SECISBP2L: variants seen among roughly 807,000 people sequenced by gnomAD.
SECISBP2L encodes the protein selenocysteine insertion sequence-binding protein 2-like.
In SECISBP2L, 43 loss-of-function variants were observed where a neutral mutation model predicts 114.7. That is an observed-to-expected ratio of 0.38 (90% CI 0.29 to 0.48). The LOEUF (loss-of-function observed/expected upper bound fraction) is 0.48. Among genes scored for constraint, SECISBP2L ranks in the 20% least tolerant of loss-of-function variants. The pLI, the probability that SECISBP2L is intolerant of heterozygous loss-of-function variation, is 0.98. For missense variants in SECISBP2L, 1,136 were observed against 1,301.1 expected, an observed-to-expected ratio of 0.87 and a Z score of 1.95; for synonymous variants, 451 against 439.7, an observed-to-expected ratio of 1.03 and a Z score of -0.32.
intron 1 of SECISBP2L, among the ~76,000 whole-genome samples, chr15:49,041,320 A>G (rs971705429): frequency 6.6e-6 from 1 of 152,220 alleles, no homozygotes; most frequent in Non-Finnish European, 1.5e-5. Context: ...TTCACTTTTT[A>G]TTTTGTGTAC....
At chr15:49,036,561 G>C (rs1336926013) in intron 2 of SECISBP2L, among the ~76,000 whole-genome samples, 1 of 152,048 alleles carries the variant, frequency 6.6e-6, no homozygotes, top group African/African-American at 2.4e-5. Flanking sequence ...TTTTCAAATA[G>C]AAAAATAGTA....
chr15:49,010,892 C>T (rs1324857975), intron 13 of SECISBP2L, among the ~76,000 whole-genome samples: 1 of 152,182 alleles, frequency 6.6e-6, no homozygotes, highest in African/African-American at 2.4e-5. Context: ...TTATTACATT[C>T]CCCAACGTCC....
At chr15:49,016,417 C>A (rs1358150136) in intron 11 of SECISBP2L, 143 bp downstream of exon 11, 1 of 662,668 alleles carries the variant, frequency 1.5e-6, no homozygotes, top group Non-Finnish European at 2.3e-6. Flanking sequence ...AAAATACACA[C>A]ACACAAACAC....
rs1306831468 is a variant in SECISBP2L at position 48,996,581 on chromosome 15, C to A, written c.2409G>T (p.Leu803=). ...GIFNYFGAES[L]FNKLVELTEE... is the part of the protein sequence containing the mutation. ...CAGTGAGTTCTACTAATTTATTAAACAGGCTCTGAAAAGAAAGAGTATTTT... is the reference window on the plus strand; with the variant it reads ...CAGTGAGTTCTACTAATTTATTAAAAAGGCTCTGAAAAGAAAGAGTATTTT... The change falls in exon 17 of 18, where the codon CTG becomes CTT. Residue 803 remains leucine (L), a synonymous_variant. Coordinates refer to ENST00000559471, the MANE Select transcript of SECISBP2L (RefSeq NM_001193489.2). 4 of 1,612,082 alleles carry A rather than the reference C, an allele frequency of 2.5e-6. No individual in the cohort carries two copies. In the Admixed American group the frequency reaches 6.7e-5, roughly 27 times the overall value.
At chr15:49,007,961 C>A (rs969923013) in intron 14 of SECISBP2L, among the ~76,000 whole-genome samples, 12 of 152,178 alleles carry the variant, frequency 7.9e-5, no homozygotes, top group Non-Finnish European at 5.9e-5. Context: ...ATGAGTAGGG[C>A]TCTCTGAGAT....
intron 7 of SECISBP2L, 69 bp downstream of exon 7, chr15:49,027,296 C>T: frequency 3.5e-6 from 4 of 1,130,906 alleles, no homozygotes; most frequent in Non-Finnish European, 4.0e-6. Flanking sequence ...CACTACACCA[C>T]TGTAACTAAC....
chr15:49,000,367 T>C (rs1303092828), intron 15 of SECISBP2L, among the ~76,000 whole-genome samples: 1 of 152,202 alleles, frequency 6.6e-6, no homozygotes, highest in Non-Finnish European at 1.5e-5. Context: ...CGATTACACA[T>C]TACTGGTCTC....
chr15:49,019,610 C>G, intron 7 of SECISBP2L, 58 bp from the exon 8 acceptor site: 1 of 1,318,838 alleles, frequency 7.6e-7, no homozygotes. Context: ...ATGTTTCACT[C>G]AAATATATAA....
intron 14 of SECISBP2L, among the ~76,000 whole-genome samples, chr15:49,004,195 C>A (rs1330741820): frequency 6.6e-6 from 1 of 152,104 alleles, no homozygotes; most frequent in Non-Finnish European, 1.5e-5. Flanking sequence ...GGAATTTATC[C>A]ATTTCTTCTA....
rs1233302527 is a variant in SECISBP2L at position 48,988,980 on chromosome 15, G to A, written c.*3264C>T. The A allele has an allele frequency of 6.3e-6, 1 of 158,044 alleles. No homozygotes were observed. The highest frequency in any genetic ancestry group is 1.4e-5 in the Non-Finnish European group (1 of 71,526). 9.8% of individuals were successfully genotyped at this position (158,044 alleles called of 1,614,324 possible). A position where few individuals can be genotyped will look rare whatever the true frequency, so the allele number is the denominator to read the frequency against. Reference sequence around the variant, plus strand: ...CAGTTTGGTTGATTCTGTGATGTATGTAAAGGTTGGAAGGGATGAGGGAGG... The same window carrying A: ...CAGTTTGGTTGATTCTGTGATGTATATAAAGGTTGGAAGGGATGAGGGAGG... On this transcript the variant is annotated 3_prime_UTR_variant, in exon 18 of 18. Transcript: ENST00000559471.
In SECISBP2L at chr15:49,035,643, A is replaced by T; in HGVS notation, c.219T>A (p.Tyr73Ter). ...ENQSNRQFPL[Y>*]NNDIRWQQPN... is the part of the protein sequence containing the mutation. Reference sequence around the variant, plus strand: ...GTTGTTGCCATCGTATATCATTGTTATATAAAGGAAACTGTCTGCAAAACC... The same window carrying T: ...GTTGTTGCCATCGTATATCATTGTTTTATAAAGGAAACTGTCTGCAAAACC... Residue 73 changes from tyrosine (Y) to a stop codon, truncating the protein, a stop_gained, in exon 3 of 18, where the codon TAT becomes TAA. Transcript: ENST00000559471. LOFTEE classifies it high-confidence loss of function. The T allele has an allele frequency of 6.2e-7, 1 of 1,604,934 alleles. No homozygotes were observed. Among genetic ancestry groups the T allele is most frequent in the Non-Finnish European group, 8.5e-7 (1 of 1,173,716 alleles).
At chr15:49,027,608 TTA>T (rs372172745) in intron 6 of SECISBP2L, 128 bp from the exon 7 acceptor site, 5,788 of 369,032 alleles carry the variant, frequency 0.016, 45 homozygotes, top group South Asian at 0.024. Context: ...ATAAACCTTA[TTA>T]TTTTTTTTTT....
intron 14 of SECISBP2L, among the ~76,000 whole-genome samples, chr15:49,006,851 T>C (rs59900880): frequency 1.3e-4 from 20 of 152,312 alleles, no homozygotes; most frequent in African/African-American, 4.6e-4. Flanking sequence ...CGAGGAGTTG[T>C]GATCCTTTGG....
At position 49,011,845 on chromosome 15, in the gene SECISBP2L, C is replaced by G; in HGVS notation, c.1750G>C (p.Glu584Gln). ...ALKKVILKER[E>Q]EKKGRLTVDH... is the part of the protein sequence containing the mutation. ...ACAGTTAAGCGCCCCTTCTTTTCCT[C>G]TCTTTCTTTTAAAATAACCTAAAAG... The change falls in exon 13 of 18, where the codon GAG (glutamate) becomes CAG (glutamine). Residue 584 changes from glutamate to glutamine, a missense_variant. Glu to Gln is a conservative substitution (Grantham distance 29). Coordinates refer to ENST00000559471, the MANE Select transcript of SECISBP2L (RefSeq NM_001193489.2). 4 of 1,614,048 alleles carry G rather than the reference C, an allele frequency of 2.5e-6. No individual in the cohort carries two copies. The highest frequency in any genetic ancestry group is 3.4e-6 in the Non-Finnish European group (4 of 1,179,944).
chr15:49,026,673 C>CCTATTTA (rs1902749809), intron 7 of SECISBP2L, among the ~76,000 whole-genome samples: 1 of 152,080 alleles, frequency 6.6e-6, no homozygotes, highest in South Asian at 2.1e-4. Context: ...GTAACTTGCT[C>CCTATTTA]CTATTTAAGT....
intron 7 of SECISBP2L, among the ~76,000 whole-genome samples, chr15:49,019,919 A>G (rs895024102): frequency 7.2e-5 from 11 of 152,234 alleles, no homozygotes; most frequent in Non-Finnish European, 1.5e-4. Flanking sequence ...GGAATAAACT[A>G]CAGTATTGAT....
chr15:49,045,515 T>C (rs1488824290), intron 1 of SECISBP2L, among the ~76,000 whole-genome samples: 1 of 152,220 alleles, frequency 6.6e-6, no homozygotes, highest in African/African-American at 2.4e-5. Context: ...ACTATTGTTT[T>C]CGATTACTTT....
intron 2 of SECISBP2L, 111 bp downstream of exon 2, chr15:49,037,480 T>C: frequency 1.1e-6 from 1 of 924,654 alleles, no homozygotes; most frequent in Non-Finnish European, 1.6e-6. Flanking sequence ...TTTACTCCTC[T>C]TAATAGAGAA....
rs1485102135 is a variant in SECISBP2L, at chr15:48,990,103, G to A, written c.*2141C>T. ...TCTGAAGTCTATAGCAAAACTAAAA[G>A]TTACCAGTGTTCTGAAGATTTCCTC... is the stretch of plus-strand genomic sequence containing the variant. On this transcript the variant is annotated 3_prime_UTR_variant, in exon 18 of 18. Transcript: ENST00000559471. 6.6e-6 allele frequency: 1 copy of A among 152,602 alleles called. No homozygotes were observed. The highest frequency in any genetic ancestry group is 1.5e-5 in the Non-Finnish European group (1 of 68,032). The allele number at this position is 152,602 out of a possible 1,614,324, so 9.5% of individuals were successfully genotyped here.
Sources: gnomAD v4.1 joint callset for allele counts (sites outside exome capture counted in the v4.1 genomes callset) on GRCh38, gnomAD v4.1.1 for gene constraint, MANE v1.5 for transcripts, NCBI Gene and HGNC (gene_info 2026-07-23, HGNC 2026-07-21) for gene names.